The following HS6ST2 variants were observed in gnomAD, a reference collection of about 807,000 sequenced individuals.
HS6ST2 encodes the protein heparan sulfate 6-O-sulfotransferase 2.
A neutral mutation model predicts 33.0 loss-of-function variants in HS6ST2; 17 were observed. The observed-to-expected ratio is 0.52, with a 90% CI of 0.35 to 0.77. The LOEUF (loss-of-function observed/expected upper bound fraction) is 0.77. HS6ST2 is among the 30% of genes least tolerant of loss of function. The pLI, the probability that HS6ST2 is intolerant of heterozygous loss-of-function variation, is 0.01. For synonymous variants in HS6ST2, 248 were observed against 237.1 expected (o/e 1.05, Z -0.42); for missense variants, 519 against 551.7 (o/e 0.94, Z 0.59).
chrX:132,795,509 C>T (rs967789240), intron 2 of HS6ST2, among the ~76,000 whole-genome samples: 6 of 112,167 alleles, frequency 5.3e-5, no homozygotes, highest in East Asian at 2.8e-4. Context: ...AAAGCCCTTC[C>T]GTACAAGAAG....
chrX:132,804,934 T>C (rs991758901), intron 2 of HS6ST2, among the ~76,000 whole-genome samples: 1 of 111,836 alleles, frequency 8.9e-6, no homozygotes, highest in African/African-American at 3.2e-5. Flanking sequence ...CCCTGTATAA[T>C]ATCATCAAAA....
At chrX:132,838,498 A>G (rs934566195) in intron 2 of HS6ST2, among the ~76,000 whole-genome samples, 2 of 112,068 alleles carry the variant, frequency 1.8e-5, no homozygotes, top group African/African-American at 6.5e-5. Flanking sequence ...ATTATAAATT[A>G]TAGTATCTGA....
chrX:132,960,034 AT>A (rs2067132284), upstream of HS6ST2, among the ~76,000 whole-genome samples: 1 of 111,932 alleles, frequency 8.9e-6, no homozygotes, highest in African/African-American at 3.3e-5. Context: ...GGGATAGTGG[AT>A]TTTTTGGGAA....
intron 2 of HS6ST2, among the ~76,000 whole-genome samples, chrX:132,760,718 T>G (rs2064797783): frequency 9.0e-6 from 1 of 110,719 alleles, no homozygotes; most frequent in South Asian, 3.9e-4. Context: ...GCACTTCGAG[T>G]TCAGTGGAGG....
chrX:132,797,368 A>C (rs1470283502), intron 2 of HS6ST2, among the ~76,000 whole-genome samples: 1 of 111,826 alleles, frequency 8.9e-6, no homozygotes, highest in Non-Finnish European at 1.9e-5. Flanking sequence ...CAGACTGCCG[A>C]ACTGCAGACT....
intron 2 of HS6ST2, among the ~76,000 whole-genome samples, chrX:132,793,874 C>T (rs368028875): frequency 1.8e-5 from 2 of 112,026 alleles, no homozygotes; most frequent in Non-Finnish European, 3.8e-5. Flanking sequence ...ATTATAATCC[C>T]GAAACTGTGT....
intron 2 of HS6ST2, among the ~76,000 whole-genome samples, chrX:132,871,779 G>T (rs2066061457): frequency 9.2e-6 from 1 of 108,352 alleles, no homozygotes; most frequent in Admixed American, 1.0e-4. Flanking sequence ...GGGCCTGTTG[G>T]GGGAGTGAGG....
At chrX:132,848,090 G>A (rs1395415694) in intron 2 of HS6ST2, among the ~76,000 whole-genome samples, 1 of 112,151 alleles carries the variant, frequency 8.9e-6, no homozygotes, top group Non-Finnish European at 1.9e-5. Context: ...AGATTCTAAT[G>A]AGTAAGTAAA....
intron 2 of HS6ST2, among the ~76,000 whole-genome samples, chrX:132,881,552 A>T (rs1365702879): frequency 8.1e-5 from 9 of 111,171 alleles, no homozygotes; most frequent in African/African-American, 2.9e-4. Context: ...AGATTGCAAA[A>T]ATTTTCTCCT....
intron 2 of HS6ST2, among the ~76,000 whole-genome samples, chrX:132,780,776 C>T (rs769516658): frequency 2.0e-4 from 22 of 111,725 alleles, no homozygotes; most frequent in South Asian, 7.6e-4. Context: ...CCCTTACTGA[C>T]GAGCAGGATT....
chrX:132,695,746 T>C (rs1204305134), intron 3 of HS6ST2, among the ~76,000 whole-genome samples: 1 of 112,023 alleles, frequency 8.9e-6, no homozygotes, highest in Non-Finnish European at 1.9e-5. Flanking sequence ...AAGTACTAAT[T>C]ATTCTCTTCA....
Position 132,866,566 on chromosome X carries a change from G to A in HS6ST2, c.947+90242C>T, listed in dbSNP as rs1177387946. Among the ~76,000 whole-genome samples, 4 of 81,793 alleles carry A rather than the reference G, an allele frequency of 4.9e-5. No homozygotes were observed. The East Asian group carries it at 1.5e-3, about 30-fold the overall frequency. 71.0% of individuals were successfully genotyped at this position (81,793 alleles called of 115,157 possible). On this transcript the variant is annotated intron_variant, in intron 2 of 4. Transcript: ENST00000370833. ...TGGCATTGAATCTGTAAATTACCTT[G>A]GGCAGTATGGCCATTTTCACGATAT...
chrX:132,715,248 A>G (rs771132635), intron 2 of HS6ST2, among the ~76,000 whole-genome samples: 2 of 111,022 alleles, frequency 1.8e-5, no homozygotes, highest in African/African-American at 6.5e-5. Flanking sequence ...CAACCTGGAT[A>G]ACATAGTGAC....
At chrX:132,907,572 T>G (rs1349393911) in intron 2 of HS6ST2, 1 of 112,051 alleles carries the variant, frequency 8.9e-6, no homozygotes, top group Non-Finnish European at 1.9e-5. Flanking sequence ...CAGAGCATGG[T>G]CATCATGCCA....
At chrX:132,769,146 A>G (rs2064873977) in intron 2 of HS6ST2, among the ~76,000 whole-genome samples, 1 of 112,174 alleles carries the variant, frequency 8.9e-6, no homozygotes, top group African/African-American at 3.2e-5. Flanking sequence ...ATGTGTAGCA[A>G]TAGAATAGCT....
chrX:132,793,915 C>T (rs1444929680), intron 2 of HS6ST2, among the ~76,000 whole-genome samples: 1 of 111,965 alleles, frequency 8.9e-6, no homozygotes, highest in Non-Finnish European at 1.9e-5. Flanking sequence ...CCATATGTGC[C>T]CGTTTTGCCG....
intron 4 of HS6ST2, among the ~76,000 whole-genome samples, chrX:132,658,733 A>G (rs1345283210): frequency 8.9e-6 from 1 of 112,380 alleles, no homozygotes; most frequent in Non-Finnish European, 1.9e-5. Context: ...ATGAAATAAC[A>G]AAAGAGAAGG....
intron 2 of HS6ST2, among the ~76,000 whole-genome samples, chrX:132,785,646 G>T (rs1190811156): frequency 1.8e-5 from 2 of 111,592 alleles, no homozygotes; most frequent in Non-Finnish European, 3.8e-5. Context: ...AATACCTTCT[G>T]CCAGCTCCAA....
intron 2 of HS6ST2, among the ~76,000 whole-genome samples, chrX:132,887,093 C>A (rs1434090179): frequency 1.8e-4 from 20 of 109,289 alleles, no homozygotes; most frequent in Non-Finnish European, 3.6e-4. Flanking sequence ...GAGATTAGGC[C>A]ACTGCACTCC....
Sources: gnomAD v4.1 joint callset for allele counts (sites outside exome capture counted in the v4.1 genomes callset) on GRCh38, gnomAD v4.1.1 for gene constraint, MANE v1.5 for transcripts, NCBI Gene and HGNC (gene_info 2026-07-23, HGNC 2026-07-21) for gene names.